CDH3: variants seen among roughly 807,000 people sequenced by gnomAD.
CDH3 encodes cadherin 3.
CDH3 carries 54 observed loss-of-function variants against 82.0 expected under a neutral mutation model. That is an observed-to-expected ratio of 0.66 (90% CI 0.53 to 0.83). The LOEUF is 0.83. Among genes scored for constraint, CDH3 ranks in the 40% least tolerant of loss-of-function variants. The pLI, the probability that CDH3 is intolerant of heterozygous loss-of-function variation, is 0.00. For missense variants in CDH3, 1,054 were observed against 1,084.6 expected (o/e 0.97, Z 0.40); for synonymous variants, 446 against 437.9 (o/e 1.02, Z -0.23).
Position 68,678,194 on chromosome 16 carries a change from C to T in CDH3, c.307C>T (p.Arg103Ter), listed in dbSNP as rs1157108621. Residue 103 changes from arginine (R) to a stop codon, truncating the protein, a stop_gained, in exon 4 of 16, where the codon CGA becomes TGA. Coordinates refer to ENST00000264012, the MANE Select transcript of CDH3 (RefSeq NM_001793.6). LOFTEE classifies it high-confidence loss of function. ...GATCTTCCCATCCAAACGTATCTTA[C>T]GAAGACACAAGAGAGATTGGGTGGT... ...LKIFPSKRIL[R>*]RHKRDWVVAP... The T allele has an allele frequency of 6.2e-7, 1 of 1,613,484 alleles. No homozygotes were observed. Among genetic ancestry groups the T allele is most frequent in the Non-Finnish European group, 8.5e-7 (1 of 1,179,408 alleles).
chr16:68,648,076 A>G (rs1236189537), intron 2 of CDH3, among the ~76,000 whole-genome samples: 1 of 152,216 alleles, frequency 6.6e-6, no homozygotes, highest in East Asian at 1.9e-4. Context: ...CCCTTGAAGC[A>G]GGTGAGGTAA....
At chr16:68,696,140 G>T in intron 15 of CDH3, 2 of 608,350 alleles carry the variant, frequency 3.3e-6, no homozygotes, top group Non-Finnish European at 6.0e-6. Context: ...ATTAGGAGGG[G>T]CTGGGCACGG....
intron 9 of CDH3, 114 bp from the exon 10 acceptor site, chr16:68,684,469 A>T: frequency 8.3e-7 from 1 of 1,200,080 alleles, no homozygotes; most frequent in Non-Finnish European, 1.2e-6. Flanking sequence ...CACTGTTGCT[A>T]GTGAGGGCCT....
chr16:68,667,199 C>T (rs897373303), intron 2 of CDH3, among the ~76,000 whole-genome samples: 3 of 152,170 alleles, frequency 2.0e-5, no homozygotes, highest in Admixed American at 6.5e-5. Context: ...GTCACTTCCA[C>T]CTACTTTTCC....
At chr16:68,726,390 C>T (rs539208505) in intron 2 of CDH3, among the ~76,000 whole-genome samples, 22 of 152,170 alleles carry the variant, frequency 1.4e-4, no homozygotes, top group African/African-American at 5.3e-4. Context: ...CTTGGCTGCC[C>T]CGGAGTCTGG....
Position 68,687,583 on chromosome 16 carries a change from C to T in CDH3, c.1642C>T (p.Pro548Ser), listed in dbSNP as rs749323804. ...TGATGTCAATGACCATGGCCCAGTCCCTGAGCCCCGTCAGATCACCATCTG... is the reference window on the plus strand; with the variant it reads ...TGATGTCAATGACCATGGCCCAGTCTCTGAGCCCCGTCAGATCACCATCTG... ...LIDVNDHGPV[P>S]EPRQITICNQ... Residue 548 changes from proline (P) to serine (S), a missense_variant, in exon 12 of 16, where the codon CCT (proline) becomes TCT (serine). Transcript: ENST00000264012. 1.4e-5 allele frequency: 22 copies of T among 1,614,038 alleles called. No individual in the cohort carries two copies. Among genetic ancestry groups the T allele is most frequent in the East Asian group, 2.2e-5 (1 of 44,888 alleles).
chr16:68,709,965 A>G (rs892274706), intron 1 of CDH3, among the ~76,000 whole-genome samples: 1 of 152,188 alleles, frequency 6.6e-6, no homozygotes, highest in African/African-American at 2.4e-5. Flanking sequence ...GATGGCCACA[A>G]TGGCCTCTGC....
chr16:68,646,287 C>G (rs1308422456), intron 2 of CDH3: 1 of 156,764 alleles, frequency 6.4e-6, no homozygotes, highest in East Asian at 1.9e-4. Flanking sequence ...TCCCGGAGGG[C>G]CTGCGCCCTT....
At chr16:68,649,549 T>C (rs964650726) in intron 2 of CDH3, among the ~76,000 whole-genome samples, 22 of 152,252 alleles carry the variant, frequency 1.4e-4, no homozygotes, top group African/African-American at 5.3e-4. Flanking sequence ...TAGTAATTTT[T>C]CTTTTTTTCT....
intron 2 of CDH3, chr16:68,651,738 G>T: frequency 2.0e-6 from 1 of 509,254 alleles, no homozygotes; most frequent in Non-Finnish European, 3.9e-6. Context: ...GTTGATCTAG[G>T]GGACTGAGCC....
In CDH3 at chr16:68,678,663, A is replaced by G. The variant is rs1169285253; in HGVS notation, c.546+7A>G. On this transcript the variant is annotated splice_region_variant and intron_variant, in intron 5 of 15. Transcript: ENST00000264012. ...GGAGATTGCCAAGTATGAGGCAAGTAGCCTTTAGTGTCTACTGTAAATGTC... is the reference window on the plus strand; with the variant it reads ...GGAGATTGCCAAGTATGAGGCAAGTGGCCTTTAGTGTCTACTGTAAATGTC... The G allele has an allele frequency of 6.2e-7, 1 of 1,614,106 alleles. No homozygotes were observed. The highest frequency in any genetic ancestry group is 8.5e-7 in the Non-Finnish European group (1 of 1,180,036).
chr16:68,665,356 C>A (rs1960704495), intron 2 of CDH3, among the ~76,000 whole-genome samples: 1 of 152,092 alleles, frequency 6.6e-6, no homozygotes, highest in Non-Finnish European at 1.5e-5. Flanking sequence ...GAGCCGAGAT[C>A]ATGCCACTGC....
At chr16:68,727,602 C>T (rs889046762), downstream of CDH3, among the ~76,000 whole-genome samples, 2 of 151,930 alleles carry the variant, frequency 1.3e-5, no homozygotes, top group African/African-American at 4.8e-5. Flanking sequence ...ATAATGAGTC[C>T]TCATCTCTAA....
rs571959258 is a variant in CDH3, at chr16:68,698,542, C to T, written c.*142C>T. 267 of 711,112 alleles carry T rather than the reference C, an allele frequency of 3.8e-4. No homozygotes were observed. The East Asian group carries it at 5.1e-3, about 13-fold the overall frequency. 44.1% of individuals were successfully genotyped at this position (711,112 alleles called of 1,614,324 possible). A position where few individuals can be genotyped will look rare whatever the true frequency, so the allele number is the denominator to read the frequency against. On this transcript the variant is annotated 3_prime_UTR_variant, in exon 16 of 16. Transcript: ENST00000264012. ...TGGCGGAGACAGGCTATGAGTCTGA[C>T]GTTAGAGTGGTGGCTTCCTTAGCCT...
intron 2 of CDH3, among the ~76,000 whole-genome samples, chr16:68,646,580 A>T (rs953985067): frequency 6.6e-6 from 1 of 150,478 alleles, no homozygotes; most frequent in Non-Finnish European, 1.5e-5. Flanking sequence ...CCAGTGTGTT[A>T]TGAGACCCAG....
chr16:68,662,587 G>A (rs1960618150), intron 2 of CDH3, among the ~76,000 whole-genome samples: 1 of 124,262 alleles, frequency 8.0e-6, no homozygotes, highest in Admixed American at 1.0e-4. Context: ...TTGCTCTGTC[G>A]CCCAGGCTAG....
rs560991856 is a variant in CDH3, at chr16:68,695,719, G to A, written c.2134-58G>A. The A allele has an allele frequency of 3.8e-5, 61 of 1,589,152 alleles. No individual in the cohort carries two copies. The East Asian group carries it at 8.3e-4, about 22-fold the overall frequency. On this transcript the variant is annotated intron_variant, in intron 14 of 15. Coordinates refer to ENST00000264012, the MANE Select transcript of CDH3 (RefSeq NM_001793.6). Reference sequence around the variant, plus strand: ...AGGGGGTGTGGGGTGAGATGTAAGTGGCAGGGGAGTGGGGGACAGGAGTCC... The same window carrying A: ...AGGGGGTGTGGGGTGAGATGTAAGTAGCAGGGGAGTGGGGGACAGGAGTCC...
At position 68,672,881 on chromosome 16, in the gene CDH3, T is replaced by G. The variant is rs962333662; in HGVS notation, c.161-3504T>G. Among the ~76,000 whole-genome samples the G allele has an allele frequency of 2.0e-5, 3 of 152,204 alleles. No homozygotes were observed. In the East Asian group the frequency reaches 5.8e-4, roughly 29 times the overall value. ...AGATGGCCAGTGTCTTAACTTCCTT[T>G]GCCTGGATGAGTTTTGCCTGGTTTT... On this transcript the variant is annotated intron_variant, in intron 2 of 15. Coordinates refer to ENST00000264012, the MANE Select transcript of CDH3 (RefSeq NM_001793.6).
Position 68,645,651 on chromosome 16 carries a change from T to C in CDH3, c.61T>C (p.Cys21Arg), listed in dbSNP as rs745424978. ...LLLLQVCWLQ[C>R]AASEPCRAVF... is the part of the protein sequence containing the mutation. ...TCGGGCGCAGGTTTGCTGGCTGCAG[T>C]GCGCGGCCTCCGAGCCGTGCCGGGC... The change falls in exon 2 of 16, where the codon TGC becomes CGC. Residue 21 changes from cysteine (C) to arginine (R), a missense_variant. Cys to Arg is a radical substitution (Grantham distance 180). Transcript: ENST00000264012. 1 of 1,542,610 alleles carries C rather than the reference T, an allele frequency of 6.5e-7. No homozygotes were observed. The highest frequency in any genetic ancestry group is 1.2e-5 in the South Asian group (1 of 83,960).
Sources: gnomAD v4.1 joint callset for allele counts (sites outside exome capture counted in the v4.1 genomes callset) on GRCh38, gnomAD v4.1.1 for gene constraint, MANE v1.5 for transcripts, NCBI Gene and HGNC (gene_info 2026-07-23, HGNC 2026-07-21) for gene names.